The following FBLN2 variants were observed in gnomAD, a reference collection of about 807,000 sequenced individuals.
FBLN2 encodes the protein fibulin 2.
Under a neutral mutation model 123.7 loss-of-function variants are expected in FBLN2, and 81 were observed. That is an observed-to-expected ratio of 0.65 (90% confidence interval 0.55 to 0.79). The LOEUF (loss-of-function observed/expected upper bound fraction) is 0.79, where lower values mean the gene tolerates loss of function less well. Ranked by LOEUF, FBLN2 falls within the 30% of genes least tolerant of loss-of-function variation. FBLN2 has a pLI of 0.00. For synonymous variants in FBLN2, 699 were observed against 701.4 expected, an observed-to-expected ratio of 1.00 and a Z score of 0.05; for missense variants, 1,603 against 1,681.3, an observed-to-expected ratio of 0.95 and a Z score of 0.81.
In FBLN2 at chr3:13,635,679, C is replaced by T. The variant is rs978864632; in HGVS notation, c.3215-766C>T. Among the ~76,000 whole-genome samples the T allele has an allele frequency of 5.9e-5, 9 of 152,206 alleles. No homozygotes were observed. In the East Asian group the frequency reaches 7.7e-4, roughly 13 times the overall value. ...GACTCATAGCTTTGCGTCTCGGAGTCGGGACTTGCAAGTGATGGGTCTTGG... is the reference window on the plus strand; with the variant it reads ...GACTCATAGCTTTGCGTCTCGGAGTTGGGACTTGCAAGTGATGGGTCTTGG... On this transcript the variant is annotated intron_variant, in intron 16 of 17. Transcript: ENST00000404922.
rs1703921256 is a variant in FBLN2, at chr3:13,570,925, G to A, written c.570G>A (p.Glu190=). The A allele has an allele frequency of 2.5e-6, 4 of 1,612,848 alleles. No individual in the cohort carries two copies. Among genetic ancestry groups the A allele is most frequent in the Admixed American group, 1.7e-5 (1 of 59,904 alleles). The change falls in exon 2 of 18, where the codon GAG becomes GAA. Residue 190 remains glutamate (E), a synonymous_variant. Transcript: ENST00000404922. ...CAGATGCCGAGGAGGGTGACCCCGA[G>A]CGACACTACGAAGACCCCTACAGCT... ...NFSDAEEGDP[E]RHYEDPYSYD... is the part of the protein sequence containing the mutation.
At position 13,550,586 on chromosome 3, in the gene FBLN2, T is replaced by A. The variant is rs571678652; in HGVS notation, c.-42+1378T>A. On this transcript the variant is annotated intron_variant, in intron 1 of 17. Transcript: ENST00000404922. ...GAGCCCTGATGAATTGGGTGGCAGC[T>A]GAGAAGTGTTCCCTCAGCCTGGCAT... is the stretch of plus-strand genomic sequence containing the variant. Among the ~76,000 whole-genome samples, 3 of 152,356 alleles carry A rather than the reference T, an allele frequency of 2.0e-5. No individual in the cohort carries two copies. The East Asian group carries it at 5.8e-4, about 29-fold the overall frequency.
Position 13,609,499 on chromosome 3 carries a change from C to A in FBLN2, c.1419-14C>A. Reference sequence around the variant, plus strand: ...GGTGGGCGACTGGGGGCTAAGTTACCCCCTCTGTTTCAGGACAGCCCAGAG... The same window carrying A: ...GGTGGGCGACTGGGGGCTAAGTTACACCCTCTGTTTCAGGACAGCCCAGAG... On this transcript the variant is annotated splice_polypyrimidine_tract_variant and intron_variant, in intron 3 of 17. Coordinates refer to ENST00000404922, the MANE Select transcript of FBLN2 (RefSeq NM_001004019.2). The A allele has an allele frequency of 6.5e-7, 1 of 1,534,230 alleles. No homozygotes were observed. The highest frequency in any genetic ancestry group is 8.8e-7 in the Non-Finnish European group (1 of 1,139,262).
chr3:13,558,802 CACCCACCCACCTACCT>C (rs1376895385), intron 1 of FBLN2, among the ~76,000 whole-genome samples: 1 of 88,792 alleles, frequency 1.1e-5, no homozygotes, highest in Non-Finnish European at 2.4e-5. Flanking sequence ...CCCACCCACC[CACCCACCCACCTACCT>C]ACCCATTCAT....
chr3:13,589,413 C>T (rs965055848), intron 2 of FBLN2, among the ~76,000 whole-genome samples: 1 of 152,122 alleles, frequency 6.6e-6, no homozygotes, highest in African/African-American at 2.4e-5. Flanking sequence ...TTGAAGCCCA[C>T]CATCAAGCCC....
At chr3:13,590,879 G>A (rs890017359) in intron 2 of FBLN2, among the ~76,000 whole-genome samples, 4 of 152,194 alleles carry the variant, frequency 2.6e-5, no homozygotes, top group Non-Finnish European at 5.9e-5. Context: ...GAGCATTCTC[G>A]TCTGCGTCTT....
intron 16 of FBLN2, 30 bp downstream of exon 16, chr3:13,631,487 T>A (rs1283664121): frequency 1.9e-6 from 3 of 1,562,814 alleles, no homozygotes; most frequent in Non-Finnish European, 2.6e-6. Flanking sequence ...CGCCCCCGCC[T>A]CCATCAGGGC....
chr3:13,562,635 C>T (rs1180564930), intron 1 of FBLN2, among the ~76,000 whole-genome samples: 1 of 152,114 alleles, frequency 6.6e-6, no homozygotes, highest in Non-Finnish European at 1.5e-5. Context: ...TGTTGCAGGC[C>T]GCGCCCGGCT....
chr3:13,557,304 C>T (rs62234394), intron 1 of FBLN2, among the ~76,000 whole-genome samples: 11,316 of 152,322 alleles, frequency 0.074, 605 homozygotes, highest in Non-Finnish European at 0.11. Flanking sequence ...CCCAGCAACT[C>T]AGACATTTTG....
intron 16 of FBLN2, among the ~76,000 whole-genome samples, chr3:13,631,872 C>T (rs1028315842): frequency 2.0e-5 from 3 of 152,120 alleles, no homozygotes; most frequent in African/African-American, 4.8e-5. Flanking sequence ...GAGAGTAGGG[C>T]GGGATCCTGG....
chr3:13,576,080 A>G (rs1472212405), intron 2 of FBLN2, among the ~76,000 whole-genome samples: 1 of 152,218 alleles, frequency 6.6e-6, no homozygotes. Flanking sequence ...GGCAGCCGGT[A>G]GGCCTGGAGG....
At chr3:13,570,043 G>A (rs1349124138) in intron 1 of FBLN2, among the ~76,000 whole-genome samples, 2 of 152,100 alleles carry the variant, frequency 1.3e-5, no homozygotes, top group Non-Finnish European at 2.9e-5. Context: ...GAGGATGGAG[G>A]ATGGAGTGGC....
intron 1 of FBLN2, among the ~76,000 whole-genome samples, chr3:13,551,646 C>T (rs1437417467): frequency 6.6e-6 from 1 of 152,180 alleles, no homozygotes; most frequent in Non-Finnish European, 1.5e-5. Context: ...AGCCCATCCA[C>T]ACCTCACACG....
chr3:13,626,440 T>A lies in FBLN2; in HGVS notation c.2297-5T>A. 1 of 1,576,996 alleles carries A rather than the reference T, an allele frequency of 6.3e-7. No homozygotes were observed. The highest frequency in any genetic ancestry group is 8.6e-7 in the Non-Finnish European group (1 of 1,159,336). On this transcript the variant is annotated splice_polypyrimidine_tract_variant and splice_region_variant and intron_variant, in intron 9 of 17. Coordinates refer to ENST00000404922, the MANE Select transcript of FBLN2 (RefSeq NM_001004019.2). ...CAGCCTCTGATGGCCTCGCTCTCCCTGCAGACATCAACGAGTGTGTGACGG... is the reference window on the plus strand; with the variant it reads ...CAGCCTCTGATGGCCTCGCTCTCCCAGCAGACATCAACGAGTGTGTGACGG...
In FBLN2 at chr3:13,630,731, C is replaced by A; in HGVS notation, c.3001C>A (p.Gln1001Lys). ...VNECEAQRCS[Q>K]ECANIYGSYQ... Reference sequence around the variant, plus strand: ...TGAGTGTGAGGCCCAGCGCTGCAGCCAGGAGTGTGCCAACATCTATGGCTC... The same window carrying A: ...TGAGTGTGAGGCCCAGCGCTGCAGCAAGGAGTGTGCCAACATCTATGGCTC... The change falls in exon 15 of 18, where the codon CAG becomes AAG. Residue 1001 changes from glutamine to lysine, a missense_variant. Coordinates refer to ENST00000404922, the MANE Select transcript of FBLN2 (RefSeq NM_001004019.2). 6.2e-7 allele frequency: 1 copy of A among 1,609,428 alleles called. No homozygotes were observed. Among genetic ancestry groups the A allele is most frequent in the South Asian group, 1.1e-5 (1 of 89,814 alleles).
chr3:13,624,401 G>A (rs971998221), intron 9 of FBLN2, among the ~76,000 whole-genome samples: 15 of 152,212 alleles, frequency 9.9e-5, no homozygotes, highest in Admixed American at 2.6e-4. Flanking sequence ...GGGGTCCTGG[G>A]AATGGTCTCC....
intron 5 of FBLN2, 74 bp downstream of exon 5, chr3:13,614,238 T>A: frequency 7.0e-7 from 1 of 1,437,030 alleles, no homozygotes; most frequent in Non-Finnish European, 9.4e-7. Context: ...GTGGGGACCC[T>A]GGGTCCATCA....
intron 2 of FBLN2, among the ~76,000 whole-genome samples, chr3:13,586,524 G>T (rs1329339188): frequency 1.7e-5 from 2 of 116,834 alleles, no homozygotes; most frequent in African/African-American, 3.3e-5. Context: ...TTGAAATGGA[G>T]TCTTGCTCTG....
chr3:13,633,959 A>ACACACACACACACACG (rs1487602196), intron 16 of FBLN2, among the ~76,000 whole-genome samples: 6 of 146,008 alleles, frequency 4.1e-5, no homozygotes, highest in Non-Finnish European at 7.5e-5. Flanking sequence ...CTGCAAACAC[A>ACACACACACACACACG]CACACACACA....
Sources: gnomAD v4.1 joint callset for allele counts (sites outside exome capture counted in the v4.1 genomes callset) on GRCh38, gnomAD v4.1.1 for gene constraint, MANE v1.5 for transcripts, NCBI Gene and HGNC (gene_info 2026-07-23, HGNC 2026-07-21) for gene names.